SDAD1: variants seen among roughly 807,000 people sequenced by gnomAD.
SDAD1 encodes SDA1 domain containing 1, also known as protein SDA1 homolog.
In SDAD1, 79 loss-of-function variants were observed where a neutral mutation model predicts 100.3. The observed-to-expected ratio is 0.79, with a 90% CI of 0.66 to 0.95. The LOEUF (loss-of-function observed/expected upper bound fraction) is 0.95, where lower values mean the gene tolerates loss of function less well. Ranked by LOEUF, SDAD1 falls within the 40% of genes least tolerant of loss-of-function variation. The probability of loss-of-function intolerance (pLI) is 0.00; values close to 1 mark genes in which losing one functional copy is unlikely to be tolerated. For missense variants in SDAD1, 790 were observed against 810.9 expected, an observed-to-expected ratio of 0.97 and a Z score of 0.31; for synonymous variants, 267 against 271.4, an observed-to-expected ratio of 0.98 and a Z score of 0.16.
rs763078558 is a variant in SDAD1, at chr4:75,956,065, A to G, written c.1926T>C (p.Asn642=). 42 of 1,613,222 alleles carry G rather than the reference A, an allele frequency of 2.6e-5. No homozygotes were observed. The highest frequency in any genetic ancestry group is 3.6e-5 in the Non-Finnish European group (42 of 1,179,760). ...AGTTCTTCTGTTTTTTCTTCTCTTT[A>G]TTTGTCGAACTGGAAAATGGATTTG... ...TKTNPFSSST[N]KEKKKQKNFM... The change falls in exon 21 of 22, where the codon AAT becomes AAC. Residue 642 remains asparagine, a synonymous_variant. Coordinates refer to ENST00000356260, the MANE Select transcript of SDAD1 (RefSeq NM_018115.4).
chr4:75,961,712 C>G (rs1442007405), intron 14 of SDAD1, among the ~76,000 whole-genome samples: 1 of 152,162 alleles, frequency 6.6e-6, no homozygotes, highest in Non-Finnish European at 1.5e-5. Context: ...AATCCTTAAA[C>G]CAGTGATTAT....
chr4:75,973,234 A>C (rs991118823), intron 8 of SDAD1, 83 bp downstream of exon 8: 7 of 1,093,520 alleles, frequency 6.4e-6, no homozygotes, highest in Non-Finnish European at 6.9e-6. Context: ...TTTCTTTCTA[A>C]CTTCAGCAGT....
chr4:75,964,718 C>A (rs1910907), intron 13 of SDAD1, among the ~76,000 whole-genome samples: 4 of 152,064 alleles, frequency 2.6e-5, no homozygotes, highest in East Asian at 1.9e-4. Context: ...GGCAGAAGAA[C>A]ATAAATTGTG....
intron 21 of SDAD1, 97 bp from the exon 22 acceptor site, chr4:75,950,894 C>A: frequency 4.4e-6 from 3 of 679,988 alleles, no homozygotes; most frequent in South Asian, 4.4e-5. Context: ...ATCACCAAGT[C>A]AATACACCAT....
intron 6 of SDAD1, among the ~76,000 whole-genome samples, chr4:75,974,908 G>A (rs1315199276): frequency 6.6e-6 from 1 of 151,172 alleles, no homozygotes; most frequent in African/African-American, 2.4e-5. Context: ...CGAGCATGGT[G>A]GTGCATGCCT....
At chr4:75,990,655 G>A (rs776903542) in intron 1 of SDAD1, 97 bp downstream of exon 1, 10 of 1,602,594 alleles carry the variant, frequency 6.2e-6, no homozygotes, top group South Asian at 3.3e-5. Context: ...AAGAATAGGC[G>A]GCGAGCCTGG....
Position 75,957,333 on chromosome 4 carries a change from T to C in SDAD1, c.1846A>G (p.Thr616Ala), listed in dbSNP as rs764582175. The change falls in exon 20 of 22, where the codon ACT becomes GCT. Residue 616 changes from threonine (T) to alanine (A), a missense_variant. Physicochemically the swap from Thr to Ala is moderately conservative, Grantham distance 58. Transcript: ENST00000356260. ...PKSDKETRLATAMAGKTDRKE... is the reference protein window; with the variant it reads ...PKSDKETRLAAAMAGKTDRKE... The stretch of plus-strand genomic sequence containing the variant: ...ATGATATGCTCACTCACCATTGCAG[T>C]TGCTAGTCTTGTCTCTTTGTCAGAC... 1.2e-6 allele frequency: 2 copies of C among 1,613,786 alleles called. No individual in the cohort carries two copies. Among genetic ancestry groups the C allele is most frequent in the Admixed American group, 3.3e-5 (2 of 59,982 alleles).
At chr4:75,984,136 T>C (rs908453390) in intron 1 of SDAD1, among the ~76,000 whole-genome samples, 7 of 151,004 alleles carry the variant, frequency 4.6e-5, no homozygotes, top group African/African-American at 1.5e-4. Context: ...TGTTCTATTC[T>C]ATTGGTCTAT....
chr4:75,961,412 TGA>T lies in SDAD1; in HGVS notation c.1182-106_1182-105del, dbSNP rs1386283860. 1.2e-5 allele frequency: 10 copies of T among 829,906 alleles called. No homozygotes were observed. The East Asian group carries it at 1.3e-4, about 11-fold the overall frequency. The allele number at this position is 829,906 out of a possible 1,614,324, so 51.4% of individuals were successfully genotyped here. A position where few individuals can be genotyped will look rare whatever the true frequency, so the allele number is the denominator to read the frequency against. Reference sequence around the variant, plus strand: ...AGATTAACTCAAAAGGAAAACACGTTGAGTTTTATATAGCTTAGGTCTCCAAA... The same window carrying T: ...AGATTAACTCAAAAGGAAAACACGTTGTTTTATATAGCTTAGGTCTCCAAA... On this transcript the variant is annotated intron_variant, in intron 14 of 21. Coordinates refer to ENST00000356260, the MANE Select transcript of SDAD1 (RefSeq NM_018115.4).
chr4:75,951,984 A>G (rs557144681), intron 21 of SDAD1, among the ~76,000 whole-genome samples: 18 of 152,188 alleles, frequency 1.2e-4, no homozygotes, highest in Non-Finnish European at 2.2e-4. Flanking sequence ...TCTACATACA[A>G]ATGTTCAAAC....
Position 75,978,982 on chromosome 4 carries a change from GAAAAAAAAAAAAA to G in SDAD1, c.295-1239_295-1227del, listed in dbSNP as rs538009004. Among the ~76,000 whole-genome samples the G allele has an allele frequency of 5.3e-4, 20 of 38,066 alleles. 1 individual carries two copies. The East Asian group carries it at 0.022, about 42-fold the overall frequency. The allele number at this position is 38,066 out of a possible 152,430, so 25.0% of individuals were successfully genotyped here. ...CAGCTGAGTGACAGACCCTGTCTCA[GAAAAAAAAAAAAA>G]AAAAAAAAAAAAAAAATTCAGGGAA... On this transcript the variant is annotated intron_variant, in intron 3 of 21. Coordinates refer to ENST00000356260, the MANE Select transcript of SDAD1 (RefSeq NM_018115.4).
chr4:75,976,412 G>A (rs1240054376), intron 4 of SDAD1, among the ~76,000 whole-genome samples: 2 of 152,196 alleles, frequency 1.3e-5, no homozygotes, highest in African/African-American at 4.8e-5. Flanking sequence ...ACTGATACGT[G>A]CTACAACATG....
intron 3 of SDAD1, among the ~76,000 whole-genome samples, chr4:75,979,228 T>C (rs186759103): frequency 1.3e-5 from 2 of 152,048 alleles, no homozygotes; most frequent in East Asian, 3.9e-4. Flanking sequence ...CCAAAAAAAA[T>C]ACAATGTTTC....
At chr4:75,957,091 CAGAG>C (rs1250218545) in intron 20 of SDAD1, among the ~76,000 whole-genome samples, 1 of 151,790 alleles carries the variant, frequency 6.6e-6, no homozygotes, top group Non-Finnish European at 1.5e-5. Context: ...GCCTGGGTGA[CAGAG>C]AGAGACTGTC....
intron 1 of SDAD1, among the ~76,000 whole-genome samples, chr4:75,984,558 T>C (rs959148535): frequency 6.6e-6 from 1 of 152,082 alleles, no homozygotes; most frequent in Non-Finnish European, 1.5e-5. Context: ...AGTAGACACA[T>C]GGAAATAATA....
chr4:75,970,817 A>AGT (rs776900007), intron 9 of SDAD1, among the ~76,000 whole-genome samples: 2 of 152,154 alleles, frequency 1.3e-5, no homozygotes, highest in East Asian at 3.8e-4. Context: ...GATCTCCTGT[A>AGT]GTGCTCTCTC....
Position 75,954,785 on chromosome 4 carries a change from C to T in SDAD1, c.2016+1190G>A, listed in dbSNP as rs192592746. ...ACGTGCAGTCAGGGAGGTTTCACAT[C>T]ACCAAGATTCCTATCCCAGAAAAGC... is the stretch of plus-strand genomic sequence containing the variant. On this transcript the variant is annotated intron_variant, in intron 21 of 21. Coordinates refer to ENST00000356260, the MANE Select transcript of SDAD1 (RefSeq NM_018115.4). 5.3e-5 allele frequency among the ~76,000 whole-genome samples: 8 copies of T among 152,250 alleles called. No individual in the cohort carries two copies. In the East Asian group the frequency reaches 1.5e-3, roughly 29 times the overall value.
chr4:75,973,445 T>A (rs914105718), intron 7 of SDAD1, 54 bp from the exon 8 acceptor site: 279 of 1,310,694 alleles, frequency 2.1e-4, no homozygotes, highest in Non-Finnish European at 2.9e-4. Context: ...AAATAAAGAA[T>A]AAATCCTTTT....
chr4:75,979,521 T>C (rs1166211120), intron 3 of SDAD1, among the ~76,000 whole-genome samples: 2 of 151,888 alleles, frequency 1.3e-5, no homozygotes, highest in Non-Finnish European at 2.9e-5. Flanking sequence ...AATGGCGCGA[T>C]CTCGGCTCAC....
Sources: allele counts gnomAD v4.1 joint callset (sites outside exome capture counted in the v4.1 genomes callset), GRCh38; gene constraint gnomAD v4.1.1; transcripts MANE v1.5; gene names NCBI Gene and HGNC (gene_info 2026-07-23, HGNC 2026-07-21).